Variants in CYP3A7 observed in about 807,000 individuals in gnomAD.
CYP3A7 encodes cytochrome P450 3A7.
CYP3A7 carries 45 observed loss-of-function variants against 55.2 expected under a neutral mutation model. That is an observed-to-expected ratio of 0.82 (90% CI 0.64 to 1.05). The LOEUF is 1.05. Among genes scored for constraint, CYP3A7 ranks in the 50% least tolerant of loss-of-function variants. CYP3A7 has a pLI of 0.00. For synonymous variants in CYP3A7, 180 were observed against 207.4 expected, an observed-to-expected ratio of 0.87 and a Z score of 1.13; for missense variants, 548 against 605.3, an observed-to-expected ratio of 0.91 and a Z score of 0.99.
At chr7:99,710,981 A>C in intron 9 of CYP3A7, 89 bp from the exon 10 acceptor site, 1 of 1,600,838 alleles carries the variant, frequency 6.2e-7, no homozygotes, top group Non-Finnish European at 8.5e-7. Flanking sequence ...GGAACCTTCA[A>C]ATCCCCAGGG....
At chr7:99,717,347 C>T in intron 5 of CYP3A7, 82 bp from the exon 6 acceptor site, 1 of 1,607,988 alleles carries the variant, frequency 6.2e-7, no homozygotes, top group South Asian at 1.1e-5. Context: ...TGGCATGGAA[C>T]AATAAGTGAC....
intron 5 of CYP3A7, 54 bp downstream of exon 5, chr7:99,717,472 C>G: frequency 6.2e-7 from 1 of 1,606,584 alleles, no homozygotes; most frequent in East Asian, 2.3e-5. Context: ...TTCTACCTGT[C>G]CCCACCTGAT....
At chr7:99,725,842 T>A (rs934740821) in intron 2 of CYP3A7, among the ~76,000 whole-genome samples, 1 of 152,150 alleles carries the variant, frequency 6.6e-6, no homozygotes, top group Non-Finnish European at 1.5e-5. Context: ...GTGTAATCGA[T>A]AGGGGGGATA....
intron 2 of CYP3A7, among the ~76,000 whole-genome samples, chr7:99,729,257 C>G (rs1206984149): frequency 6.6e-6 from 1 of 152,090 alleles, no homozygotes; most frequent in Non-Finnish European, 1.5e-5. Flanking sequence ...TTATTCTATA[C>G]AACAAATATT....
At chr7:99,717,855 C>T (rs999187747) in intron 4 of CYP3A7, among the ~76,000 whole-genome samples, 4 of 152,186 alleles carry the variant, frequency 2.6e-5, no homozygotes, top group Admixed American at 2.0e-4. Context: ...CTTTTACATG[C>T]AAATTCTCCA....
intron 10 of CYP3A7, among the ~76,000 whole-genome samples, chr7:99,709,923 T>A (rs1341216475): frequency 6.6e-6 from 1 of 152,170 alleles, no homozygotes; most frequent in Admixed American, 6.5e-5. Context: ...ATCCCAAATA[T>A]GACAAAAGAA....
At chr7:99,733,984 G>A (rs766346550) in intron 1 of CYP3A7, among the ~76,000 whole-genome samples, 2 of 152,154 alleles carry the variant, frequency 1.3e-5, no homozygotes, top group African/African-American at 4.8e-5. Context: ...GAAAGGTGAG[G>A]TTATCTTATA....
chr7:99,713,011 G>A (rs920919373), intron 9 of CYP3A7, among the ~76,000 whole-genome samples: 1 of 152,190 alleles, frequency 6.6e-6, no homozygotes, highest in African/African-American at 2.4e-5. Context: ...AAAATTGCCA[G>A]TTAAAATCGC....
chr7:99,726,260 C>T (rs1814407778), intron 2 of CYP3A7, among the ~76,000 whole-genome samples: 1 of 152,108 alleles, frequency 6.6e-6, no homozygotes, highest in Admixed American at 6.6e-5. Flanking sequence ...CGCCAGTATC[C>T]CATCCCACAA....
chr7:99,731,166 C>G lies in CYP3A7; in HGVS notation c.72-14G>C, dbSNP rs766447726. The G allele has an allele frequency of 1.2e-6, 2 of 1,613,266 alleles. No homozygotes were observed. Among genetic ancestry groups the G allele is most frequent in the African/African-American group, 2.7e-5 (2 of 74,848 alleles). Reference sequence around the variant, plus strand: ...CGGGTTCCATATCTACAAAGTGAAACAAAAATCAGGTCTCAGGGATTGTGA... The same window carrying G: ...CGGGTTCCATATCTACAAAGTGAAAGAAAAATCAGGTCTCAGGGATTGTGA... On this transcript the variant is annotated splice_polypyrimidine_tract_variant and intron_variant, in intron 1 of 12. Coordinates refer to ENST00000336374, the MANE Select transcript of CYP3A7 (RefSeq NM_000765.5).
At chr7:99,715,624 G>A (rs1188417262) in intron 7 of CYP3A7, 134 bp downstream of exon 7, 17 of 1,464,834 alleles carry the variant, frequency 1.2e-5, no homozygotes, top group African/African-American at 1.4e-5. Context: ...GGTGATGGTC[G>A]TACATATCTT....
intron 3 of CYP3A7, 128 bp from the exon 4 acceptor site, chr7:99,720,540 A>T (rs1584516342): frequency 9.6e-7 from 1 of 1,036,366 alleles, no homozygotes; most frequent in East Asian, 2.6e-5. Context: ...CAGTAATCTT[A>T]AGTTCTAGTT....
rs1814258159 is a variant in CYP3A7 at position 99,722,888 on chromosome 7, G to A, written c.166-540C>T. Among the ~76,000 whole-genome samples the A allele has an allele frequency of 2.6e-5, 4 of 152,184 alleles. No homozygotes were observed. In the South Asian group the frequency reaches 6.2e-4, roughly 24 times the overall value. Reference sequence around the variant, plus strand: ...AGTGTGAGGCATGTTTGTTGAGTGAGAAAATGAGTGAGTGACAGAATGACA... The same window carrying A: ...AGTGTGAGGCATGTTTGTTGAGTGAAAAAATGAGTGAGTGACAGAATGACA... On this transcript the variant is annotated intron_variant, in intron 2 of 12. Transcript: ENST00000336374.
At chr7:99,731,192 C>T in intron 1 of CYP3A7, 40 bp from the exon 2 acceptor site, 1 of 1,611,558 alleles carries the variant, frequency 6.2e-7, no homozygotes, top group Non-Finnish European at 8.5e-7. Flanking sequence ...GGGATTGTGA[C>T]TTTATAGATA....
At chr7:99,730,855 T>C in intron 2 of CYP3A7, 1 of 599,082 alleles carries the variant, frequency 1.7e-6, no homozygotes, top group East Asian at 3.1e-5. Context: ...ATTTGGGCTG[T>C]CCAACTGAGG....
rs1161653971 is a variant in CYP3A7, at chr7:99,705,592, G to C, written c.1420C>G (p.Pro474Ala). 10 of 1,613,162 alleles carry C rather than the reference G, an allele frequency of 6.2e-6. No individual in the cohort carries two copies. The highest frequency in any genetic ancestry group is 8.5e-6 in the Non-Finnish European group (10 of 1,179,554). Residue 474 changes from proline to alanine, a missense_variant, in exon 13 of 13, where the codon CCC (proline) becomes GCC (alanine). By Grantham distance (27) the Pro-to-Ala change is conservative (BLOSUM62 -1). Transcript: ENST00000336374. ...SFKPCKETQI[P>A]LKLRFGGLLL... is the part of the protein sequence containing the mutation. Reference sequence around the variant, plus strand: ...AGTCCTCCAAAGCGTAATTTCAGGGGGATCTGCAACAGTTAAACGAGCATA... The same window carrying C: ...AGTCCTCCAAAGCGTAATTTCAGGGCGATCTGCAACAGTTAAACGAGCATA...
intron 2 of CYP3A7, among the ~76,000 whole-genome samples, chr7:99,724,131 G>A (rs1208927929): frequency 6.6e-6 from 1 of 151,882 alleles, no homozygotes; most frequent in African/African-American, 2.4e-5. Context: ...TTTTCTCTGG[G>A]CTTGCCCCCT....
At chr7:99,720,530 C>T (rs1814159531) in intron 3 of CYP3A7, 118 bp from the exon 4 acceptor site, 2 of 1,126,510 alleles carry the variant, frequency 1.8e-6, no homozygotes, top group East Asian at 2.5e-5. Context: ...GTACAATACA[C>T]AGTAATCTTA....
chr7:99,725,772 G>C (rs867433409), intron 2 of CYP3A7, among the ~76,000 whole-genome samples: 1 of 152,146 alleles, frequency 6.6e-6, no homozygotes, highest in African/African-American at 2.4e-5. Flanking sequence ...GAAGCCCCCC[G>C]GAGAATCACG....
Sources: allele counts gnomAD v4.1 joint callset (sites outside exome capture counted in the v4.1 genomes callset), GRCh38; gene constraint gnomAD v4.1.1; transcripts MANE v1.5; gene names NCBI Gene and HGNC (gene_info 2026-07-23, HGNC 2026-07-21).